The following CELF2 variants were observed in gnomAD, a reference collection of about 807,000 sequenced individuals.
CELF2 encodes CUGBP Elav-like family member 2, also known as CUG triplet repeat RNA-binding protein 2.
A neutral mutation model predicts 62.6 loss-of-function variants in CELF2; 8 were observed. The ratio of observed to expected loss-of-function variants is 0.13; its 90% CI spans 0.07 to 0.23. The LOEUF (loss-of-function observed/expected upper bound fraction) is 0.23, where lower values mean the gene tolerates loss of function less well. Ranked by LOEUF, CELF2 falls within the 10% of genes least tolerant of loss-of-function variation. The pLI is 1.00. For missense variants in CELF2, 333 were observed against 671.0 expected, an observed-to-expected ratio of 0.50 and a Z score of 5.56; for synonymous variants, 258 against 250.0, an observed-to-expected ratio of 1.03 and a Z score of -0.30.
At chr10:10,819,255 T>C (rs2056756681) in intron 1 of CELF2, among the ~76,000 whole-genome samples, 1 of 152,156 alleles carries the variant, frequency 6.6e-6, no homozygotes, top group Non-Finnish European at 1.5e-5. Flanking sequence ...TTTATTTTAA[T>C]TAAAAAGATA....
At chr10:10,967,976 A>C (rs748582214) in intron 2 of CELF2, among the ~76,000 whole-genome samples, 11 of 152,234 alleles carry the variant, frequency 7.2e-5, no homozygotes, top group Non-Finnish European at 1.6e-4. Context: ...GGAGAAAAAA[A>C]TGTAAGTTAT....
chr10:10,866,089 G>A (rs1395213183), intron 1 of CELF2, among the ~76,000 whole-genome samples: 2 of 152,094 alleles, frequency 1.3e-5, no homozygotes, highest in Non-Finnish European at 2.9e-5. Context: ...GCCGCGGCCT[G>A]TCTTCCATTC....
In CELF2 at chr10:11,165,307, A is replaced by C; in HGVS notation, c.75-179A>C. The C allele has an allele frequency of 7.1e-7, 1 of 1,404,916 alleles. No individual in the cohort carries two copies. The highest frequency in any genetic ancestry group is 9.2e-7 in the Non-Finnish European group (1 of 1,082,268). The allele number at this position is 1,404,916 out of a possible 1,614,324, so 87.0% of individuals were successfully genotyped here. ...AGTGAGAGCCTCGCCGCCGCCGAGGAGCAACTCATGGTGCCTCCGCTTTGT... is the reference window on the plus strand; with the variant it reads ...AGTGAGAGCCTCGCCGCCGCCGAGGCGCAACTCATGGTGCCTCCGCTTTGT... On this transcript the variant is annotated intron_variant, in intron 1 of 12. Coordinates refer to ENST00000633077, the MANE Select transcript of CELF2 (RefSeq NM_001326342.2). The surrounding 1 kb of genome is among the most constrained non-coding windows in gnomAD (Gnocchi z 7.4).
At chr10:11,070,301 G>A (rs556914241) in intron 1 of CELF2, among the ~76,000 whole-genome samples, 3 of 152,214 alleles carry the variant, frequency 2.0e-5, no homozygotes, top group Admixed American at 2.0e-4. Context: ...TGGTGGGAAT[G>A]CAGAGAGCAC....
At chr10:11,051,768 A>G (rs1049942832) in intron 1 of CELF2, among the ~76,000 whole-genome samples, 1 of 152,192 alleles carries the variant, frequency 6.6e-6, no homozygotes, top group African/African-American at 2.4e-5. Flanking sequence ...ACTGAAGATG[A>G]AACGTTTGAG....
chr10:10,812,561 G>A (rs558643189), intron 1 of CELF2, among the ~76,000 whole-genome samples: 2 of 152,280 alleles, frequency 1.3e-5, no homozygotes, highest in Non-Finnish European at 2.9e-5. Context: ...TATTTAGGAG[G>A]ATAGGGACTG....
intron 9 of CELF2, 150 bp downstream of exon 9, chr10:11,288,702 A>AT (rs2091940293): frequency 1.1e-6 from 1 of 909,314 alleles, no homozygotes; most frequent in East Asian, 2.9e-5. Flanking sequence ...GGGTTATTTT[A>AT]TTTTTAAAAA....
chr10:10,716,721 G>A, the CELF2 span, among the ~76,000 whole-genome samples: 2 of 152,124 alleles, frequency 1.3e-5, no homozygotes, highest in East Asian at 3.8e-4. Context: ...AAGTATCAGA[G>A]ACCAAGGTGA....
At position 11,159,703 on chromosome 10, in the gene CELF2, T is replaced by C. The variant is rs745481247; in HGVS notation, c.75-5783T>C. Among the ~76,000 whole-genome samples the C allele has an allele frequency of 2.6e-5, 4 of 152,248 alleles. No homozygotes were observed. The highest frequency in any genetic ancestry group is 4.8e-5 in the African/African-American group (2 of 41,466). On this transcript the variant is annotated intron_variant, in intron 1 of 12. Coordinates refer to ENST00000633077, the MANE Select transcript of CELF2 (RefSeq NM_001326342.2). The surrounding 1 kb of genome is among the most constrained non-coding windows in gnomAD (Gnocchi z 5.0). ...TTAATGAATTTCATGTCTGTCCTGT[T>C]ACCCGCCGGAGGCACCAGGCCCATC...
At chr10:10,644,489 G>A in the CELF2 span, among the ~76,000 whole-genome samples, 3 of 151,872 alleles carry the variant, frequency 2.0e-5, no homozygotes, top group Admixed American at 6.6e-5. Context: ...TACAGGTCTG[G>A]TTTTCACCGC....
chr10:10,744,479 A>G, the CELF2 span, among the ~76,000 whole-genome samples: 1 of 152,204 alleles, frequency 6.6e-6, no homozygotes, highest in Non-Finnish European at 1.5e-5. Flanking sequence ...TTCCCAAGTA[A>G]GGATAAGTTG....
Position 11,011,212 on chromosome 10 carries a change from A to G in CELF2, c.53+5772A>G, listed in dbSNP as rs1014101875. Reference sequence around the variant, plus strand: ...GAATTTTTATGCATCTCGGGGGCCAAAATAGGTCATACGGCAATGAAAACC... The same window carrying G: ...GAATTTTTATGCATCTCGGGGGCCAGAATAGGTCATACGGCAATGAAAACC... On this transcript the variant is annotated intron_variant, in intron 1 of 12. Coordinates refer to the CELF2 transcript ENST00000416382. This position sits in a 1 kb window ranked among gnomAD's most constrained non-coding sequence, Gnocchi z 4.6. The G allele has an allele frequency of 6.6e-6, 1 of 152,096 alleles. No homozygotes were observed. Among genetic ancestry groups the G allele is most frequent in the Non-Finnish European group, 1.5e-5 (1 of 68,024 alleles). 9.4% of individuals were successfully genotyped at this position (152,096 alleles called of 1,614,324 possible).
the CELF2 span, among the ~76,000 whole-genome samples, chr10:10,572,961 A>G: frequency 1.3e-5 from 2 of 152,140 alleles, no homozygotes; most frequent in African/African-American, 4.8e-5. Flanking sequence ...GGTTGAACTA[A>G]TTTACATTCC....
chr10:10,738,105 A>G, the CELF2 span, among the ~76,000 whole-genome samples: 1 of 152,186 alleles, frequency 6.6e-6, no homozygotes, highest in Non-Finnish European at 1.5e-5. Flanking sequence ...ACTACAGGTC[A>G]AATTCCCTGC....
the CELF2 span, among the ~76,000 whole-genome samples, chr10:10,748,476 C>T: frequency 1.0e-3 from 153 of 152,158 alleles, 1 homozygote; most frequent in African/African-American, 3.3e-3. Flanking sequence ...GGGTCTGGCG[C>T]GGTGGCTCAC....
chr10:10,740,007 T>C, the CELF2 span, among the ~76,000 whole-genome samples: 1 of 152,180 alleles, frequency 6.6e-6, no homozygotes, highest in East Asian at 1.9e-4. Context: ...TGACATATTT[T>C]GGATATTAAG....
rs1364526134 is a variant in CELF2, at chr10:11,039,798, T to C, written c.74+21635T>C. 2.0e-5 allele frequency among the ~76,000 whole-genome samples: 3 copies of C among 152,212 alleles called. No homozygotes were observed. The highest frequency in any genetic ancestry group is 1.3e-4 in the Admixed American group (2 of 15,278). ...ACATTTTTGTAAATTCCATTGCCAC[T>C]GGAGGAAACCATGGACCAGAGTAAC... On this transcript the variant is annotated intron_variant, in intron 1 of 12. Coordinates refer to ENST00000633077, the MANE Select transcript of CELF2 (RefSeq NM_001326342.2). The surrounding 1 kb of genome is among the most constrained non-coding windows in gnomAD (Gnocchi z 4.1).
intron 2 of CELF2, among the ~76,000 whole-genome samples, chr10:10,956,780 T>A (rs12265952): frequency 0.015 from 2,201 of 151,788 alleles, 59 homozygotes; most frequent in African/African-American, 0.048. Flanking sequence ...GAAAAAAAAA[T>A]TTAATTAGCT....
intron 3 of CELF2, 152 bp from the exon 4 acceptor site, chr10:11,249,001 T>A (rs779567682): frequency 4.1e-5 from 26 of 627,618 alleles, no homozygotes; most frequent in Non-Finnish European, 6.6e-5. Flanking sequence ...AAATACAGGC[T>A]TACTTTTTAA....
Sources: allele counts gnomAD v4.1 joint callset (sites outside exome capture counted in the v4.1 genomes callset), GRCh38; gene constraint gnomAD v4.1.1; non-coding constraint Gnocchi (gnomAD v3.1); transcripts MANE v1.5; gene names NCBI Gene and HGNC (gene_info 2026-07-23, HGNC 2026-07-21).